The following PLEKHG4B variants were observed in gnomAD, a reference collection of about 807,000 sequenced individuals.
PLEKHG4B encodes pleckstrin homology and RhoGEF domain containing G4B.
PLEKHG4B carries 111 observed loss-of-function variants against 121.3 expected under a neutral mutation model. That is an observed-to-expected ratio of 0.92 (90% CI 0.78 to 1.07). The LOEUF (loss-of-function observed/expected upper bound fraction) is 1.07. PLEKHG4B is among the 50% of genes least tolerant of loss of function. PLEKHG4B has a pLI of 0.00. For missense variants in PLEKHG4B, 1,831 were observed against 1,757.8 expected (o/e 1.04, Z -0.74); for synonymous variants, 738 against 725.0 (o/e 1.02, Z -0.29).
In PLEKHG4B at chr5:169,670, C is replaced by T; in HGVS notation, c.3729+78C>T. Reference sequence around the variant, plus strand: ...GTCAGAGAGGCGGGGCCTACAGGGCCCACGTGTCAGGCGGTTGGAATAGCT... The same window carrying T: ...GTCAGAGAGGCGGGGCCTACAGGGCTCACGTGTCAGGCGGTTGGAATAGCT... On this transcript the variant is annotated intron_variant, in intron 14 of 19. Transcript: ENST00000637938. 5 of 1,570,094 alleles carry T rather than the reference C, an allele frequency of 3.2e-6. No individual in the cohort carries two copies. In the South Asian group the frequency reaches 5.8e-5, roughly 18 times the overall value.
chr5:174,108 T>TG lies in PLEKHG4B; in HGVS notation c.4402+15dup, dbSNP rs1260340486. The TG allele has an allele frequency of 2.5e-6, 3 of 1,218,156 alleles. No homozygotes were observed. The highest frequency in any genetic ancestry group is 2.9e-5 in the South Asian group (2 of 69,980). The allele number at this position is 1,218,156 out of a possible 1,614,324, so 75.5% of individuals were successfully genotyped here. A position where few individuals can be genotyped will look rare whatever the true frequency, so the allele number is the denominator to read the frequency against. On this transcript the variant is annotated intron_variant, in intron 18 of 19. Coordinates refer to ENST00000637938, the MANE Select transcript of PLEKHG4B (RefSeq NM_052909.5). ...GCACTAAAGAGCAGAGGTGGGAAGA[T>TG]GGGGGCCGCAGGGCCTGCCAGGCTC...
In PLEKHG4B at chr5:137,585, T is replaced by C. The variant is rs901393322; in HGVS notation, c.244-1898T>C. On this transcript the variant is annotated intron_variant, in intron 2 of 19. Transcript: ENST00000637938. The surrounding 1 kb of genome is among the most constrained non-coding windows in gnomAD (Gnocchi z 4.2). Reference sequence around the variant, plus strand: ...GTTTTGTCTCATCAAATATTTGATATGTAGAGACCTGTAGACCCCTGTGGG... The same window carrying C: ...GTTTTGTCTCATCAAATATTTGATACGTAGAGACCTGTAGACCCCTGTGGG... Among the ~76,000 whole-genome samples the C allele has an allele frequency of 2.0e-5, 3 of 152,220 alleles. No individual in the cohort carries two copies. Among genetic ancestry groups the C allele is most frequent in the Admixed American group, 2.0e-4 (3 of 15,280 alleles).
rs751814127 is a variant in PLEKHG4B at position 174,070 on chromosome 5, C to G, written c.4374C>G (p.Ile1458Met). ...KSAWTDVIGR[I>M]LWRQALKSRE... The stretch of plus-strand genomic sequence containing the variant: ...CATGGACCGATGTCATAGGGAGGAT[C>G]CTGTGGCGGCAGGCACTAAAGAGCA... Residue 1458 changes from isoleucine (I) to methionine (M), a missense_variant, in exon 18 of 20, where the codon ATC becomes ATG. Ile to Met is a conservative substitution (Grantham distance 10). Coordinates refer to ENST00000637938, the MANE Select transcript of PLEKHG4B (RefSeq NM_052909.5). 6.3e-7 allele frequency: 1 copy of G among 1,589,900 alleles called. No individual in the cohort carries two copies. Among genetic ancestry groups the G allele is most frequent in the East Asian group, 2.3e-5 (1 of 44,068 alleles).
At chr5:153,413 T>C (rs1735665717) in intron 7 of PLEKHG4B, among the ~76,000 whole-genome samples, 1 of 152,228 alleles carries the variant, frequency 6.6e-6, no homozygotes. Flanking sequence ...GTTGTTCTAG[T>C]GTGCACGTAA....
intron 1 of PLEKHG4B, among the ~76,000 whole-genome samples, chr5:95,113 T>C (rs748252606): frequency 1.3e-5 from 2 of 152,224 alleles, no homozygotes; most frequent in Admixed American, 6.5e-5. Context: ...GAATTCTTTT[T>C]GATTGATCTT....
At chr5:167,894 T>A (rs1167767929) in intron 13 of PLEKHG4B, among the ~76,000 whole-genome samples, 2 of 152,258 alleles carry the variant, frequency 1.3e-5, no homozygotes, top group African/African-American at 4.8e-5. Context: ...GCATGTTTTT[T>A]AGTGGTAATA....
chr5:131,337 A>G (rs1734772994), intron 2 of PLEKHG4B, among the ~76,000 whole-genome samples: 1 of 151,878 alleles, frequency 6.6e-6, no homozygotes, highest in Non-Finnish European at 1.5e-5. Context: ...TTCAATTCCC[A>G]CCTATGACAG....
At chr5:133,795 A>G (rs1052130321) in intron 2 of PLEKHG4B, among the ~76,000 whole-genome samples, 2 of 151,910 alleles carry the variant, frequency 1.3e-5, no homozygotes, top group African/African-American at 4.8e-5. Context: ...TACCCAGAGT[A>G]AAAGAAGTCA....
intron 6 of PLEKHG4B, among the ~76,000 whole-genome samples, chr5:145,338 G>A (rs1168628712): frequency 1.3e-5 from 2 of 152,018 alleles, no homozygotes; most frequent in African/African-American, 4.8e-5. Flanking sequence ...ACAAAGGACA[G>A]AGGCAGGAAG....
At chr5:165,410 G>C (rs1454353347) in intron 13 of PLEKHG4B, among the ~76,000 whole-genome samples, 1 of 43,682 alleles carries the variant, frequency 2.3e-5, no homozygotes, top group African/African-American at 9.1e-5. Flanking sequence ...TCACACTAAT[G>C]CTCTGACGGG....
At chr5:181,378 C>T in intron 18 of PLEKHG4B, 136 bp from the exon 19 acceptor site, 1 of 879,876 alleles carries the variant, frequency 1.1e-6, no homozygotes, top group South Asian at 1.8e-5. Flanking sequence ...GCCCCCCATG[C>T]CCCTCGTGGG....
intron 1 of PLEKHG4B, among the ~76,000 whole-genome samples, chr5:93,481 C>T (rs1001070699): frequency 6.6e-6 from 1 of 151,384 alleles, no homozygotes; most frequent in African/African-American, 2.4e-5. Flanking sequence ...TTGGTGACCC[C>T]CCCACCGAGA....
chr5:162,926 C>G lies in PLEKHG4B; in HGVS notation c.2854C>G (p.Leu952Val), dbSNP rs1210949912. ...DLWLQYPQTR[L>V]RLEEALSEAA... ...GTGGCTGCAGTACCCCCAGACCCGG[C>G]TCCGTCTGGAAGAGGCCCTTTCTGA... Residue 952 changes from leucine to valine, a missense_variant, in exon 13 of 20, where the codon CTC (leucine) becomes GTC (valine). Physicochemically the swap from Leu to Val is conservative, Grantham distance 32. Transcript: ENST00000637938. 1.3e-6 allele frequency: 2 copies of G among 1,545,752 alleles called. No homozygotes were observed. Among genetic ancestry groups the G allele is most frequent in the Non-Finnish European group, 8.7e-7 (1 of 1,145,720 alleles).
At position 169,576 on chromosome 5, in the gene PLEKHG4B, G is replaced by T. The variant is rs145985070; in HGVS notation, c.3713G>T (p.Arg1238Leu). Residue 1238 changes from arginine (R) to leucine (L), a missense_variant, in exon 14 of 20, where the codon CGC (arginine) becomes CTC (leucine). Transcript: ENST00000637938. ...CAGCACTGCCCCTTGGCCGTGGGCC[G>T]CAGTTTCCTGAGACACGTAAGTGCA... ...RCQHCPLAVG[R>L]SFLRHEEQFG... 6.2e-7 allele frequency: 1 copy of T among 1,613,176 alleles called. No individual in the cohort carries two copies. Among genetic ancestry groups the T allele is most frequent in the South Asian group, 1.1e-5 (1 of 91,090 alleles).
chr5:182,987 C>T lies in PLEKHG4B; in HGVS notation c.*664C>T, dbSNP rs1401160377. 2 of 152,940 alleles carry T rather than the reference C, an allele frequency of 1.3e-5. No homozygotes were observed. The highest frequency in any genetic ancestry group is 1.3e-4 in the Admixed American group (2 of 15,406). The allele number at this position is 152,940 out of a possible 1,614,324, so 9.5% of individuals were successfully genotyped here. A position where few individuals can be genotyped will look rare whatever the true frequency, so the allele number is the denominator to read the frequency against. ...ACTCATGTGGGCTGGGGACAGGACC[C>T]GTTCCCACCAGCCAGACTAGGGAAA... On this transcript the variant is annotated 3_prime_UTR_variant, in exon 20 of 20. Coordinates refer to ENST00000637938, the MANE Select transcript of PLEKHG4B (RefSeq NM_052909.5).
At chr5:136,787 T>C (rs1488878048) in intron 2 of PLEKHG4B, among the ~76,000 whole-genome samples, 1 of 152,212 alleles carries the variant, frequency 6.6e-6, no homozygotes, top group Non-Finnish European at 1.5e-5. Context: ...ATGGTGCAGC[T>C]GCTGTGGAAA....
chr5:118,349 A>G (rs940253280), intron 2 of PLEKHG4B, among the ~76,000 whole-genome samples: 3 of 152,174 alleles, frequency 2.0e-5, no homozygotes, highest in Non-Finnish European at 4.4e-5. Flanking sequence ...ATATACATTA[A>G]ACACACTGAC....
At chr5:162,130 A>G (rs1332673694) in intron 12 of PLEKHG4B, among the ~76,000 whole-genome samples, 186 bp downstream of exon 12, 1 of 152,224 alleles carries the variant, frequency 6.6e-6, no homozygotes, top group Admixed American at 6.5e-5. Context: ...CGACCTGTGA[A>G]GCATTTGATA....
rs1293189251 is a variant in PLEKHG4B at position 139,684 on chromosome 5, AC to A, written c.447del (p.Val150SerfsTer18). The A allele has an allele frequency of 2.5e-6, 1 of 398,656 alleles. No individual in the cohort carries two copies. The highest frequency in any genetic ancestry group is 4.4e-6 in the Non-Finnish European group (1 of 226,076). The allele number at this position is 398,656 out of a possible 1,614,324, so 24.7% of individuals were successfully genotyped here. On this transcript the variant is annotated frameshift_variant, in exon 3 of 20. Transcript: ENST00000637938. LOFTEE classifies it high-confidence loss of function. The surrounding 1 kb of genome is among the most constrained non-coding windows in gnomAD (Gnocchi z 5.0). ...SRLGRGTEEV[T>X]VPEAMYGCVF... ...GCTGGGAAGAGGCACAGAGGAAGTC[AC>A]CGTCCCTGAGGCCATGTATGGCTGT...
Sources: gnomAD v4.1 joint callset for allele counts (sites outside exome capture counted in the v4.1 genomes callset) on GRCh38, gnomAD v4.1.1 for gene constraint, Gnocchi (gnomAD v3.1) non-coding constraint, MANE v1.5 for transcripts, NCBI Gene and HGNC (gene_info 2026-07-23, HGNC 2026-07-21) for gene names.